The following GPAT3 variants were observed in gnomAD, a reference collection of about 807,000 sequenced individuals.
GPAT3 encodes glycerol-3-phosphate acyltransferase 3.
Under a neutral mutation model 58.8 loss-of-function variants are expected in GPAT3, and 53 were observed. The observed-to-expected ratio is 0.90, with a 90% CI of 0.72 to 1.13. GPAT3 has a LOEUF of 1.13. Among genes scored for constraint, GPAT3 ranks in the 50% most tolerant of loss-of-function variants. The probability of loss-of-function intolerance (pLI) is 0.00; values close to 1 mark genes in which losing one functional copy is unlikely to be tolerated. For missense variants in GPAT3, 511 were observed against 527.6 expected (o/e 0.97, Z 0.31); for synonymous variants, 197 against 187.4 (o/e 1.05, Z -0.42).
At chr4:83,538,519 C>T (rs1183413590) in intron 1 of GPAT3, among the ~76,000 whole-genome samples, 1 of 152,196 alleles carries the variant, frequency 6.6e-6, no homozygotes, top group Admixed American at 6.5e-5. Context: ...ACTGCTCTCT[C>T]ATACAGCAAT....
chr4:83,604,966 G>T lies in GPAT3; in HGVS notation c.*199G>T. The T allele has an allele frequency of 2.0e-6, 1 of 502,930 alleles. No homozygotes were observed. Among genetic ancestry groups the T allele is most frequent in the African/African-American group, 1.9e-5 (1 of 51,332 alleles). The allele number at this position is 502,930 out of a possible 1,614,324, so 31.2% of individuals were successfully genotyped here. ...GTTGTTGTTGTAACATTAGCCCCATGGATTGTAAGGTGGTTTACTGAGTTA... is the reference window on the plus strand; with the variant it reads ...GTTGTTGTTGTAACATTAGCCCCATTGATTGTAAGGTGGTTTACTGAGTTA... On this transcript the variant is annotated 3_prime_UTR_variant, in exon 12 of 12. Coordinates refer to ENST00000264409, the MANE Select transcript of GPAT3 (RefSeq NM_032717.5).
intron 7 of GPAT3, chr4:83,595,257 A>G (rs1305690484): frequency 4.8e-6 from 1 of 206,500 alleles, no homozygotes; most frequent in East Asian, 1.2e-4. Flanking sequence ...TAAATTAGAT[A>G]TGATCTCACT....
chr4:83,592,506 A>T (rs1726641066), intron 6 of GPAT3, among the ~76,000 whole-genome samples: 1 of 152,180 alleles, frequency 6.6e-6, no homozygotes, highest in African/African-American at 2.4e-5. Flanking sequence ...AATAAAAATT[A>T]TATATATTTG....
chr4:83,584,651 A>T (rs1372001794), intron 3 of GPAT3, among the ~76,000 whole-genome samples: 1 of 152,184 alleles, frequency 6.6e-6, no homozygotes, highest in Admixed American at 6.5e-5. Context: ...AATTACAGGC[A>T]TGTGCCTCCA....
At chr4:83,558,027 A>G (rs1286483532) in intron 2 of GPAT3, among the ~76,000 whole-genome samples, 1 of 152,184 alleles carries the variant, frequency 6.6e-6, no homozygotes, top group Non-Finnish European at 1.5e-5. Context: ...AGCCTGGCCA[A>G]CATGGTGAAA....
intron 2 of GPAT3, among the ~76,000 whole-genome samples, chr4:83,546,246 A>T (rs1203151538): frequency 6.6e-6 from 1 of 152,178 alleles, no homozygotes; most frequent in Non-Finnish European, 1.5e-5. Flanking sequence ...CGGCCTCCCA[A>T]AGTGCTGGGA....
chr4:83,567,608 T>A (rs1385330850), intron 2 of GPAT3, among the ~76,000 whole-genome samples: 1 of 152,142 alleles, frequency 6.6e-6, no homozygotes, highest in Non-Finnish European at 1.5e-5. Context: ...CTCCTTCCCT[T>A]GTCAGTTTAA....
At chr4:83,598,929 A>G (rs1034398143) in intron 11 of GPAT3, among the ~76,000 whole-genome samples, 9 of 151,702 alleles carry the variant, frequency 5.9e-5, no homozygotes, top group African/African-American at 2.2e-4. Context: ...AGCTGGGACT[A>G]CAAGTGCTTG....
At position 83,537,625 on chromosome 4, in the gene GPAT3, G is replaced by GTGTGTATATA. The variant is rs138199995; in HGVS notation, c.141+863_141+864insGTGTATATAT. On this transcript the variant is annotated intron_variant, in intron 1 of 11. Transcript: ENST00000264409. ...TGTGTGTGTGTGTGTGTGTGTGTGT[G>GTGTGTATATA]TATATTTAACATAAGAGACAGGGTC... is the stretch of plus-strand genomic sequence containing the variant. 1.9e-4 allele frequency among the ~76,000 whole-genome samples: 28 copies of GTGTGTATATA among 147,694 alleles called. 1 individual carries two copies. Among genetic ancestry groups the GTGTGTATATA allele is most frequent in the African/African-American group, 7.1e-4 (28 of 39,308 alleles).
chr4:83,584,105 G>A (rs548196036), intron 3 of GPAT3, among the ~76,000 whole-genome samples: 1 of 152,320 alleles, frequency 6.6e-6, no homozygotes, highest in South Asian at 2.1e-4. Context: ...AGATGCCCTT[G>A]TTTGTTGTTG....
chr4:83,536,499 C>T lies in GPAT3; in HGVS notation c.-124C>T, dbSNP rs538084609. On this transcript the variant is annotated 5_prime_UTR_variant, in exon 1 of 12. Transcript: ENST00000264409. ...GTTTTTTTCCTTCCTCTCTTCCCTT[C>T]GCAGAGGTGAGTGCCGGGCTCGGCG... 2.2e-5 allele frequency: 33 copies of T among 1,492,738 alleles called. No individual in the cohort carries two copies. The highest frequency in any genetic ancestry group is 2.6e-5 in the Non-Finnish European group (29 of 1,126,176). 92.5% of individuals were successfully genotyped at this position (1,492,738 alleles called of 1,614,324 possible).
intron 11 of GPAT3, among the ~76,000 whole-genome samples, chr4:83,599,434 C>T (rs1726972547): frequency 6.6e-6 from 1 of 152,096 alleles, no homozygotes; most frequent in Non-Finnish European, 1.5e-5. Flanking sequence ...TTGGCTAGTA[C>T]TCAAGTCATG....
intron 11 of GPAT3, among the ~76,000 whole-genome samples, chr4:83,602,163 C>T (rs1027455820): frequency 2.0e-5 from 3 of 152,128 alleles, no homozygotes; most frequent in Non-Finnish European, 2.9e-5. Context: ...CACTCTTTAT[C>T]TTACCTGACA....
chr4:83,559,831 C>T (rs72654969), intron 2 of GPAT3, among the ~76,000 whole-genome samples: 26,418 of 152,136 alleles, frequency 0.17, 2,961 homozygotes, highest in East Asian at 0.31. Flanking sequence ...ATGCTTTGTA[C>T]ACAGTAGGCT....
At chr4:83,563,123 C>A (rs1163313789) in intron 2 of GPAT3, among the ~76,000 whole-genome samples, 1 of 152,136 alleles carries the variant, frequency 6.6e-6, no homozygotes, top group Non-Finnish European at 1.5e-5. Flanking sequence ...TTTATCTTTA[C>A]AATTCTGAGG....
intron 2 of GPAT3, among the ~76,000 whole-genome samples, chr4:83,556,642 T>C (rs1724951596): frequency 6.6e-6 from 1 of 152,070 alleles, no homozygotes; most frequent in South Asian, 2.1e-4. Flanking sequence ...AAACTCACAG[T>C]TAATTATGTG....
chr4:83,570,201 T>C (rs1476163988), intron 2 of GPAT3, among the ~76,000 whole-genome samples: 8 of 152,220 alleles, frequency 5.3e-5, no homozygotes, highest in African/African-American at 1.9e-4. Context: ...TCTCAGTTCC[T>C]TCTTCTCTCT....
intron 2 of GPAT3, among the ~76,000 whole-genome samples, chr4:83,571,741 C>T (rs184355424): frequency 1.5e-3 from 190 of 127,040 alleles, no homozygotes; most frequent in African/African-American, 4.7e-3. Context: ...TATATACACG[C>T]ATATATATAT....
At position 83,562,211 on chromosome 4, in the gene GPAT3, T is replaced by TTATA. The variant is rs1553944907; in HGVS notation, c.208+17620_208+17623dup. 1.4e-3 allele frequency among the ~76,000 whole-genome samples: 99 copies of TTATA among 72,998 alleles called. 2 individuals are homozygous for TTATA. The highest frequency in any genetic ancestry group is 2.3e-3 in the Non-Finnish European group (93 of 40,752). The allele number at this position is 72,998 out of a possible 152,430, so 47.9% of individuals were successfully genotyped here. A position where few individuals can be genotyped will look rare whatever the true frequency, so the allele number is the denominator to read the frequency against. Reference sequence around the variant, plus strand: ...TATATATATATATAATATATATATATTATATATATATATAATATATATATA... The same window carrying TTATA: ...TATATATATATATAATATATATATATTATATATATATATATATAATATATATATA... On this transcript the variant is annotated intron_variant, in intron 2 of 11. Transcript: ENST00000264409.
Sources: allele counts gnomAD v4.1 joint callset (sites outside exome capture counted in the v4.1 genomes callset), GRCh38; gene constraint gnomAD v4.1.1; transcripts MANE v1.5; gene names NCBI Gene and HGNC (gene_info 2026-07-23, HGNC 2026-07-21).